COLEC10: variants seen among roughly 807,000 people sequenced by gnomAD.
The protein encoded by COLEC10 is collectin subfamily member 10, also known as collectin-10.
COLEC10 carries 22 observed loss-of-function variants against 28.4 expected under a neutral mutation model. The observed-to-expected ratio is 0.78, with a 90% confidence interval of 0.55 to 1.11. The LOEUF (loss-of-function observed/expected upper bound fraction) is 1.11. COLEC10 is among the 50% of genes least tolerant of loss of function. COLEC10 has a pLI of 0.00. For missense variants in COLEC10, 361 were observed against 344.1 expected (o/e 1.05, Z -0.39); for synonymous variants, 125 against 116.1 (o/e 1.08, Z -0.49).
intron 2 of COLEC10, among the ~76,000 whole-genome samples, chr8:119,042,337 T>C (rs1363117127): frequency 1.3e-5 from 2 of 152,208 alleles, no homozygotes; most frequent in Non-Finnish European, 2.9e-5. Flanking sequence ...TTGTGATTAA[T>C]GCAGCAGTTG....
At chr8:118,980,958 A>C in the COLEC10 span, among the ~76,000 whole-genome samples, 1 of 151,628 alleles carries the variant, frequency 6.6e-6, no homozygotes, top group Non-Finnish European at 1.5e-5. Context: ...ATTGACCCTG[A>C]GCATTTTTTT....
At chr8:119,008,096 G>A (rs780058964) in intron 1 of COLEC10, among the ~76,000 whole-genome samples, 3 of 150,902 alleles carry the variant, frequency 2.0e-5, no homozygotes, top group Admixed American at 1.3e-4. Context: ...AGAGAGTTTG[G>A]GGAGCTAACT....
At chr8:119,065,193 G>A (rs1013021783), upstream of COLEC10, among the ~76,000 whole-genome samples, 1 of 152,120 alleles carries the variant, frequency 6.6e-6, no homozygotes, top group African/African-American at 2.4e-5. Context: ...GGCCTGTTAG[G>A]AGCACGGCTG....
At chr8:119,020,804 C>T (rs1009169755) in intron 2 of COLEC10, among the ~76,000 whole-genome samples, 1 of 152,114 alleles carries the variant, frequency 6.6e-6, no homozygotes, top group Non-Finnish European at 1.5e-5. Flanking sequence ...TGATTATTTA[C>T]AACATGCCTA....
intron 2 of COLEC10, among the ~76,000 whole-genome samples, chr8:119,020,812 C>T (rs572407058): frequency 6.6e-6 from 1 of 152,178 alleles, no homozygotes; most frequent in East Asian, 1.9e-4. Flanking sequence ...TACAACATGC[C>T]TAGTTCTTCT....
chr8:118,975,070 G>A, the COLEC10 span, among the ~76,000 whole-genome samples: 2 of 151,894 alleles, frequency 1.3e-5, no homozygotes, highest in South Asian at 2.1e-4. Flanking sequence ...CATGCCCTTC[G>A]GGGTTTCAGA....
chr8:119,058,042 A>T (rs1814792729), intron 2 of COLEC10, among the ~76,000 whole-genome samples: 1 of 152,038 alleles, frequency 6.6e-6, no homozygotes, highest in Non-Finnish European at 1.5e-5. Context: ...TGACTGCAAA[A>T]GCCTCAACTG....
At chr8:119,087,067 C>A (rs940049719) in intron 1 of COLEC10, among the ~76,000 whole-genome samples, 3 of 152,164 alleles carry the variant, frequency 2.0e-5, no homozygotes, top group African/African-American at 7.2e-5. Context: ...CTGTGGGGAT[C>A]AAATGATAGA....
upstream of COLEC10, chr8:119,067,096 T>TGG: frequency 1.8e-6 from 1 of 567,134 alleles, no homozygotes; most frequent in South Asian, 2.3e-5. Flanking sequence ...GTCTGGACAA[T>TGG]GTATGGTCCA....
chr8:119,106,012 C>G lies in COLEC10; in HGVS notation c.655C>G (p.Gln219Glu). 6.2e-7 allele frequency: 1 copy of G among 1,613,780 alleles called. No individual in the cohort carries two copies. ...IGVNDLEREG[Q>E]YMFTDNTPLQ... is the part of the protein sequence containing the mutation. ...CGTGAATGACCTTGAAAGGGAGGGA[C>G]AGTACATGTTCACAGACAACACTCC... The change falls in exon 6 of 6, where the codon CAG becomes GAG. Residue 219 changes from glutamine to glutamate, a missense_variant. Physicochemically the swap from Gln to Glu is conservative, Grantham distance 29. Coordinates refer to ENST00000332843, the MANE Select transcript of COLEC10 (RefSeq NM_006438.5).
chr8:119,083,299 C>T (rs558954131), intron 1 of COLEC10, among the ~76,000 whole-genome samples: 1 of 152,276 alleles, frequency 6.6e-6, no homozygotes, highest in East Asian at 1.9e-4. Flanking sequence ...GATAGTCTAT[C>T]CTCTCTGAGA....
chr8:118,963,237 A>T, the COLEC10 span, among the ~76,000 whole-genome samples: 1 of 152,350 alleles, frequency 6.6e-6, no homozygotes, highest in African/African-American at 2.4e-5. Flanking sequence ...AGTATTTCGC[A>T]TACATTACCC....
the COLEC10 span, among the ~76,000 whole-genome samples, chr8:118,954,303 A>AGAATAAACT: frequency 3.3e-5 from 5 of 152,306 alleles, no homozygotes; most frequent in East Asian, 9.7e-4. Context: ...TTCATCACTC[A>AGAATAAACT]CTGACAGAAA....
At chr8:118,952,422 GTT>G in the COLEC10 span, among the ~76,000 whole-genome samples, 1 of 152,238 alleles carries the variant, frequency 6.6e-6, no homozygotes, top group Non-Finnish European at 1.5e-5. Flanking sequence ...TTCACTTCGG[GTT>G]CTGAAACCTC....
intron 2 of COLEC10, among the ~76,000 whole-genome samples, chr8:119,021,227 C>A (rs980488349): frequency 1.2e-4 from 18 of 152,138 alleles, no homozygotes; most frequent in Admixed American, 7.2e-4. Flanking sequence ...TGTGGAAAGG[C>A]AGATGGTGAT....
intron 1 of COLEC10, among the ~76,000 whole-genome samples, chr8:119,007,140 A>T (rs1010759484): frequency 6.6e-6 from 1 of 152,088 alleles, no homozygotes; most frequent in African/African-American, 2.4e-5. Context: ...CCCTAGGAAT[A>T]TCGCCAAACC....
chr8:118,987,462 G>T, the COLEC10 span, among the ~76,000 whole-genome samples: 1 of 152,154 alleles, frequency 6.6e-6, no homozygotes, highest in Non-Finnish European at 1.5e-5. Context: ...TATTTGGGAG[G>T]CTGAGGCATG....
the COLEC10 span, among the ~76,000 whole-genome samples, chr8:118,985,532 T>C: frequency 1.3e-5 from 2 of 152,014 alleles, no homozygotes; most frequent in Non-Finnish European, 2.9e-5. Context: ...TAAACAGGGA[T>C]TTATGAGGAT....
chr8:118,987,093 T>C, the COLEC10 span, among the ~76,000 whole-genome samples: 2 of 152,094 alleles, frequency 1.3e-5, no homozygotes, highest in African/African-American at 2.4e-5. Context: ...GAATACTTTG[T>C]CTCGTCTCTG....
Sources: allele counts gnomAD v4.1 joint callset (sites outside exome capture counted in the v4.1 genomes callset), GRCh38; gene constraint gnomAD v4.1.1; transcripts MANE v1.5; gene names NCBI Gene and HGNC (gene_info 2026-07-23, HGNC 2026-07-21).